The following RYR1 variants were observed in gnomAD, a reference collection of about 807,000 sequenced individuals.
RYR1 encodes central core disease of muscle.
In RYR1, 342 loss-of-function variants were observed where a neutral mutation model predicts 583.5. The ratio of observed to expected loss-of-function variants is 0.59; its 90% confidence interval spans 0.54 to 0.64. RYR1 has a LOEUF of 0.64. Among genes scored for constraint, RYR1 ranks in the 30% least tolerant of loss-of-function variants. The pLI is 0.00. For synonymous variants in RYR1, 2,791 were observed against 2,822.5 expected (o/e 0.99, Z 0.35); for missense variants, 6,032 against 6,917.2 (o/e 0.87, Z 4.54).
At chr19:38,495,885 C>G (rs960424760) in intron 39 of RYR1, among the ~76,000 whole-genome samples, 5 of 152,194 alleles carry the variant, frequency 3.3e-5, no homozygotes, top group Admixed American at 2.0e-4. Flanking sequence ...ACCTCAGCCT[C>G]CTGCGTAGCT....
At chr19:38,573,490 G>A (rs569275876) in intron 96 of RYR1, among the ~76,000 whole-genome samples, 183 bp downstream of exon 96, 9 of 152,212 alleles carry the variant, frequency 5.9e-5, no homozygotes, top group African/African-American at 2.2e-4. Flanking sequence ...GACCAGCCTG[G>A]ACAACATGGT....
intron 93 of RYR1, 21 bp from the exon 94 acceptor site, chr19:38,570,586 T>C: frequency 6.3e-7 from 1 of 1,599,848 alleles, no homozygotes; most frequent in South Asian, 1.1e-5. Context: ...GCGCTTTCTC[T>C]CTTTTTCTCT....
At chr19:38,489,925 T>G (rs1254415342) in intron 35 of RYR1, 151 bp from the exon 36 acceptor site, 3 of 812,762 alleles carry the variant, frequency 3.7e-6, no homozygotes, top group Non-Finnish European at 6.2e-6. Flanking sequence ...CCACCATGCT[T>G]GAGGAAGGCA....
At chr19:38,583,818 C>T (rs1974324639) in intron 101 of RYR1, among the ~76,000 whole-genome samples, 1 of 152,060 alleles carries the variant, frequency 6.6e-6, no homozygotes, top group African/African-American at 2.4e-5. Context: ...CACCTTTCCA[C>T]TTAAATGCCA....
chr19:38,434,685 G>C (rs1016687671), intron 1 of RYR1, among the ~76,000 whole-genome samples: 1 of 152,134 alleles, frequency 6.6e-6, no homozygotes, highest in East Asian at 1.9e-4. Flanking sequence ...GCAGGGGATG[G>C]GGAGGGGATG....
Position 38,523,916 on chromosome 19 carries a change from C to T in RYR1, c.10442C>T (p.Ala3481Val), listed in dbSNP as rs370630840. ...TCTGTCTGCGGTCCGGTGAAGCAGG[C>T]GGGAGATATACAGGTCAGCCCCACA... is the stretch of plus-strand genomic sequence containing the variant. ...TADNKSKMAKAGDIQSGGSDQ... is the reference protein window; with the variant it reads ...TADNKSKMAKVGDIQSGGSDQ... The change falls in exon 70 of 106, where the codon GCG (alanine) becomes GTG (valine). Residue 3481 changes from alanine to valine, a missense_variant and splice_region_variant. Physicochemically the swap from Ala to Val is moderately conservative, Grantham distance 64. Around this residue, in one of 11 missense-constraint regions of RYR1, gnomAD observed 1,493 missense variants for 1,715.5 expected, o/e 0.87. Coordinates refer to ENST00000359596, the MANE Select transcript of RYR1 (RefSeq NM_000540.3). 25 of 1,613,942 alleles carry T rather than the reference C, an allele frequency of 1.5e-5. No individual in the cohort carries two copies. The East Asian group carries it at 2.7e-4, about 17-fold the overall frequency.
intron 1 of RYR1, among the ~76,000 whole-genome samples, chr19:38,435,678 GTGAGCCGAGATTGCGC>G (rs1458607933): frequency 2.0e-5 from 3 of 152,080 alleles, no homozygotes; most frequent in Non-Finnish European, 4.4e-5. Flanking sequence ...AGAGGTTGCA[GTGAGCCGAGATTGCGC>G]CACTGCACAC....
At chr19:38,569,428 G>T (rs1027623569) in intron 93 of RYR1, among the ~76,000 whole-genome samples, 2 of 151,898 alleles carry the variant, frequency 1.3e-5, no homozygotes, top group Admixed American at 6.6e-5. Flanking sequence ...GGTGACACAT[G>T]CCTGTGGTCC....
Position 38,535,268 on chromosome 19 carries a change from G to C in RYR1, c.11439+48G>C, listed in dbSNP as rs201880331. 3.5e-5 allele frequency: 57 copies of C among 1,613,076 alleles called. No individual in the cohort carries two copies. The African/African-American group carries it at 5.6e-4, about 16-fold the overall frequency. On this transcript the variant is annotated intron_variant, in intron 80 of 105. Transcript: ENST00000359596. ...AGAAGAAGGCAAGGAGGGATGAGAGGTTCCTGTGTGACTCCCAGTTTCTCC... is the reference window on the plus strand; with the variant it reads ...AGAAGAAGGCAAGGAGGGATGAGAGCTTCCTGTGTGACTCCCAGTTTCTCC...
Position 38,500,766 on chromosome 19 carries a change from G to T in RYR1, c.7444+40G>T. 1 of 1,614,120 alleles carries T rather than the reference G, an allele frequency of 6.2e-7. No homozygotes were observed. Among genetic ancestry groups the T allele is most frequent in the Non-Finnish European group, 8.5e-7 (1 of 1,180,014 alleles). ...GAACTTGGCGAAGGAGTGATGCTGG[G>T]GAGGGAGCGGCTGGGTCCGCAGGGC... On this transcript the variant is annotated intron_variant, in intron 46 of 105. Transcript: ENST00000359596. The surrounding 1 kb of genome is among the most constrained non-coding windows in gnomAD (Gnocchi z 5.9).
intron 49 of RYR1, 91 bp from the exon 50 acceptor site, chr19:38,504,129 A>T: frequency 7.1e-7 from 1 of 1,398,656 alleles, no homozygotes; most frequent in South Asian, 1.2e-5. Flanking sequence ...ATTTAAAAGC[A>T]CTGGCATGCC....
In RYR1 at chr19:38,561,052, AAAAAAG is replaced by A; in HGVS notation, c.12283-59_12283-54del. The stretch of plus-strand genomic sequence containing the variant: ...CGAGACCTTGTCTTAAAAAAAAAAA[AAAAAAG>A]AGAGAGAATTGAGGCTCTCCAGGTC... On this transcript the variant is annotated intron_variant, in intron 89 of 105. Transcript: ENST00000359596. This position sits in a 1 kb window ranked among gnomAD's most constrained non-coding sequence, Gnocchi z 4.8. 6 of 1,464,140 alleles carry A rather than the reference AAAAAAG, an allele frequency of 4.1e-6. No individual in the cohort carries two copies. Among genetic ancestry groups the A allele is most frequent in the East Asian group, 2.4e-5 (1 of 42,398 alleles). The allele number at this position is 1,464,140 out of a possible 1,614,324, so 90.7% of individuals were successfully genotyped here.
rs960340996 is a variant in RYR1, at chr19:38,511,944, G to T, written c.9173-128G>T. On this transcript the variant is annotated intron_variant, in intron 61 of 105. Transcript: ENST00000359596. ...GCTGTAGGAGTCTGGGGGGGTGGGGGTGCAGTAGCATTCCAACTTAGCCCG... is the reference window on the plus strand; with the variant it reads ...GCTGTAGGAGTCTGGGGGGGTGGGGTTGCAGTAGCATTCCAACTTAGCCCG... 13 of 1,096,926 alleles carry T rather than the reference G, an allele frequency of 1.2e-5. No homozygotes were observed. In the African/African-American group the frequency reaches 2.0e-4, roughly 17 times the overall value. 67.9% of individuals were successfully genotyped at this position (1,096,926 alleles called of 1,614,324 possible).
At chr19:38,530,625 G>A (rs1315444090) in intron 76 of RYR1, among the ~76,000 whole-genome samples, 3 of 152,054 alleles carry the variant, frequency 2.0e-5, no homozygotes, top group Non-Finnish European at 4.4e-5. Context: ...TCAGGACTGG[G>A]CAGTGGCACA....
rs1064797239 is a variant in RYR1 at position 38,483,364 on chromosome 19, G to A, written c.4782G>A (p.Leu1594=). 4.5e-6 allele frequency: 7 copies of A among 1,563,568 alleles called. No homozygotes were observed. Among genetic ancestry groups the A allele is most frequent in the Non-Finnish European group, 6.1e-6 (7 of 1,154,424 alleles). The change falls in exon 33 of 106, where the codon CTG becomes CTA. Residue 1594 remains leucine, a synonymous_variant. Transcript: ENST00000359596. This position sits in a 1 kb window ranked among gnomAD's most constrained non-coding sequence, Gnocchi z 6.3. ...KNPAPQCPPR[L]EMQMLMPVSW... ...CGGCCCCGCAGTGCCCACCGCGGCT[G>A]GAGATGCAGATGCTGATGCCAGTGT...
At chr19:38,568,145 C>T (rs1034278522) in intron 93 of RYR1, among the ~76,000 whole-genome samples, 4 of 152,184 alleles carry the variant, frequency 2.6e-5, no homozygotes, top group African/African-American at 9.7e-5. Flanking sequence ...ATCCTTATTC[C>T]AACCTCCATA....
chr19:38,570,156 G>C (rs1300492048), intron 93 of RYR1, among the ~76,000 whole-genome samples: 1 of 151,948 alleles, frequency 6.6e-6, no homozygotes, highest in African/African-American at 2.4e-5. Flanking sequence ...GTGAGACCTT[G>C]TCTCAAAAAT....
At position 38,576,844 on chromosome 19, in the gene RYR1, A is replaced by G. The variant is rs1160797129; in HGVS notation, c.14172+883A>G. ...AGTTGAAAGAGAGGAAGTTAGCAAT[A>G]TGTCTTAAGCACACACACTCTGGAA... On this transcript the variant is annotated intron_variant, in intron 97 of 105. Transcript: ENST00000359596. Among the ~76,000 whole-genome samples the G allele has an allele frequency of 2.6e-5, 4 of 152,072 alleles. No individual in the cohort carries two copies. The East Asian group carries it at 7.7e-4, about 29-fold the overall frequency.
rs757600766 is a variant in RYR1, at chr19:38,442,448, G to A, written c.265G>A (p.Val89Met). The stretch of plus-strand genomic sequence containing the variant: ...GCTGGCTAACACGGTGGAGGCTGGC[G>A]TGGAGGTGAGGACCCCACCTGGGGG... ...EMLANTVEAGVESSQGGGHRT... is the reference protein window; with the variant it reads ...EMLANTVEAGMESSQGGGHRT... Residue 89 changes from valine to methionine, a missense_variant, in exon 3 of 106, where the codon GTG becomes ATG. By Grantham distance (21) the Val-to-Met change is conservative (BLOSUM62 1). Transcript: ENST00000359596. 16 of 1,612,730 alleles carry A rather than the reference G, an allele frequency of 9.9e-6. No homozygotes were observed. Among genetic ancestry groups the A allele is most frequent in the African/African-American group, 1.3e-5 (1 of 74,826 alleles).
Sources: gnomAD v4.1 joint callset for allele counts (sites outside exome capture counted in the v4.1 genomes callset) on GRCh38, gnomAD v4.1.1 for gene constraint, gnomAD v4.1.1 regional missense constraint, Gnocchi (gnomAD v3.1) non-coding constraint, MANE v1.5 for transcripts, NCBI Gene and HGNC (gene_info 2026-07-23, HGNC 2026-07-21) for gene names.